The following TSPAN1 variants were observed in gnomAD, a reference collection of about 807,000 sequenced individuals.
The protein encoded by TSPAN1 is tetraspanin 1, also known as tetraspanin-1.
A neutral mutation model predicts 26.9 loss-of-function variants in TSPAN1; 23 were observed. The ratio of observed to expected loss-of-function variants is 0.85; its 90% CI spans 0.62 to 1.21. The LOEUF (loss-of-function observed/expected upper bound fraction) is 1.21. Ranked by LOEUF, TSPAN1 falls within the 50% of genes most tolerant of loss-of-function variation. The probability of loss-of-function intolerance (pLI) is 0.00; values close to 1 mark genes in which losing one functional copy is unlikely to be tolerated. For synonymous variants in TSPAN1, 115 were observed against 114.8 expected (o/e 1.00, Z -0.01); for missense variants, 283 against 298.4 (o/e 0.95, Z 0.38).
the TSPAN1 span, chr1:46,193,495 G>A: frequency 1.9e-6 from 3 of 1,613,108 alleles, no homozygotes; most frequent in Non-Finnish European, 2.5e-6. Context: ...GGTCTCCCTT[G>A]CCCGTCCCTG....
chr1:46,184,129 C>T, intron 3 of TSPAN1, 62 bp from the exon 4 acceptor site: 6 of 1,547,676 alleles, frequency 3.9e-6, no homozygotes, highest in Non-Finnish European at 5.4e-6. Context: ...TCTTACTCAG[C>T]TGTGTGGTAG....
At chr1:46,184,100 G>T in intron 3 of TSPAN1, 91 bp from the exon 4 acceptor site, 4 of 1,397,270 alleles carry the variant, frequency 2.9e-6, no homozygotes, top group Non-Finnish European at 3.0e-6. Context: ...AAAGAGGGAA[G>T]TTTCTCGGCT....
the TSPAN1 span, chr1:46,193,474 C>G: frequency 6.2e-7 from 1 of 1,610,318 alleles, no homozygotes; most frequent in Admixed American, 1.7e-5. Flanking sequence ...TTTCACAGCC[C>G]TTGCCTGGGC....
chr1:46,184,102 T>C, intron 3 of TSPAN1, 89 bp from the exon 4 acceptor site: 1 of 1,416,044 alleles, frequency 7.1e-7, no homozygotes, highest in Non-Finnish European at 1.0e-6. Context: ...AGAGGGAAGT[T>C]TCTCGGCTCC....
chr1:46,192,825 G>T, the TSPAN1 span: 3 of 1,600,130 alleles, frequency 1.9e-6, no homozygotes, highest in Non-Finnish European at 2.6e-6. Flanking sequence ...CCTCCAGAAA[G>T]CTCTCTAGGA....
chr1:46,189,557 A>C, downstream of TSPAN1: 5 of 1,611,562 alleles, frequency 3.1e-6, no homozygotes, highest in Non-Finnish European at 4.2e-6. Context: ...CAGGTCCCAG[A>C]TATGGAGGCA....
intron 1 of TSPAN1, chr1:46,176,463 T>C (rs766275690): frequency 1.3e-6 from 2 of 1,535,678 alleles, no homozygotes; most frequent in South Asian, 2.4e-5. Flanking sequence ...CAAGCCGAGA[T>C]GGCCCCATGG....
the TSPAN1 span, chr1:46,194,007 G>C: frequency 6.3e-7 from 1 of 1,587,638 alleles, no homozygotes; most frequent in South Asian, 1.1e-5. Flanking sequence ...TCTCAGGTGA[G>C]GGTAGGTGCA....
chr1:46,180,244 G>C (rs995616942), intron 1 of TSPAN1, among the ~76,000 whole-genome samples: 1 of 152,248 alleles, frequency 6.6e-6, no homozygotes, highest in African/African-American at 2.4e-5. Flanking sequence ...ATGTATGAGT[G>C]TATCAGCAGA....
At chr1:46,194,935 G>C in the TSPAN1 span, 1 of 1,614,016 alleles carries the variant, frequency 6.2e-7, no homozygotes, top group Admixed American at 1.7e-5. Flanking sequence ...CCTTGGCTGT[G>C]TCCTTGAGGT....
At chr1:46,188,633 A>C, downstream of TSPAN1, 1 of 1,528,564 alleles carries the variant, frequency 6.5e-7, no homozygotes, top group Non-Finnish European at 8.8e-7. Flanking sequence ...TCTCTCCACC[A>C]CTTCCCTCCA....
downstream of TSPAN1, among the ~76,000 whole-genome samples, chr1:46,188,379 G>C (rs1407909162): frequency 2.0e-5 from 3 of 152,084 alleles, no homozygotes; most frequent in Non-Finnish European, 4.4e-5. Flanking sequence ...CTGTCTCTGG[G>C]GACAGGTGCC....
chr1:46,193,546 C>A, the TSPAN1 span: 16 of 1,614,138 alleles, frequency 9.9e-6, no homozygotes, highest in Non-Finnish European at 1.4e-5. Flanking sequence ...CCCGAGGCAC[C>A]CCCCAAGTCC....
chr1:46,193,679 C>T, the TSPAN1 span: 2 of 1,613,420 alleles, frequency 1.2e-6, no homozygotes, highest in Non-Finnish European at 1.7e-6. Context: ...CTTCATCACC[C>T]CTCAACTCAG....
At chr1:46,179,964 A>AGAGTGTGTGTGTGTGTGTGTGTGT (rs1657275164) in intron 1 of TSPAN1, among the ~76,000 whole-genome samples, 52 of 146,886 alleles carry the variant, frequency 3.5e-4, no homozygotes, top group African/African-American at 1.2e-3. Flanking sequence ...AGAAAGAGGG[A>AGAGTGTGTGTGTGTGTGTGTGTGT]GTGTGTGTGT....
chr1:46,190,432 C>T (rs767066048), downstream of TSPAN1: 1 of 1,541,702 alleles, frequency 6.5e-7, no homozygotes, highest in Non-Finnish European at 9.0e-7. Flanking sequence ...CAGTATTTGA[C>T]TCTTTGCTCC....
At chr1:46,183,854 G>A in intron 3 of TSPAN1, 1 of 402,712 alleles carries the variant, frequency 2.5e-6, no homozygotes, top group South Asian at 2.4e-5. Context: ...GGAAATAGGA[G>A]GCTGGGCCCT....
intron 1 of TSPAN1, among the ~76,000 whole-genome samples, chr1:46,176,704 G>A (rs1657180293): frequency 6.6e-6 from 1 of 152,258 alleles, no homozygotes; most frequent in African/African-American, 2.4e-5. Context: ...AGGCCCTAGA[G>A]GCGGAACTCA....
downstream of TSPAN1, chr1:46,188,694 T>C (rs1472200617): frequency 6.3e-7 from 1 of 1,595,166 alleles, no homozygotes. Flanking sequence ...CCAGAGGGCT[T>C]CTCCTTTTTT....
Sources: allele counts gnomAD v4.1 joint callset (sites outside exome capture counted in the v4.1 genomes callset), GRCh38; gene constraint gnomAD v4.1.1; transcripts MANE v1.5; gene names NCBI Gene and HGNC (gene_info 2026-07-23, HGNC 2026-07-21).